The following PTPN14 variants were observed in gnomAD, a reference collection of about 807,000 sequenced individuals.
The protein encoded by PTPN14 is protein tyrosine phosphatase non-receptor type 14.
PTPN14 carries 53 observed loss-of-function variants against 126.8 expected under a neutral mutation model. The observed-to-expected ratio is 0.42, with a 90% CI of 0.34 to 0.53. The LOEUF (loss-of-function observed/expected upper bound fraction) is 0.53, where lower values mean the gene tolerates loss of function less well. PTPN14 is among the 20% of genes least tolerant of loss of function. The probability of loss-of-function intolerance (pLI) is 0.08; values close to 1 mark genes in which losing one functional copy is unlikely to be tolerated. For missense variants in PTPN14, 1,257 were observed against 1,552.9 expected (o/e 0.81, Z 3.20); for synonymous variants, 630 against 599.3 (o/e 1.05, Z -0.75).
At chr1:214,472,865 C>T (rs1660790745) in intron 1 of PTPN14, among the ~76,000 whole-genome samples, 1 of 152,200 alleles carries the variant, frequency 6.6e-6, no homozygotes, top group African/African-American at 2.4e-5. Context: ...AGACACGTTC[C>T]TTGCAACAAA....
intron 1 of PTPN14, among the ~76,000 whole-genome samples, chr1:214,469,960 C>A (rs912637538): frequency 6.6e-6 from 1 of 152,028 alleles, no homozygotes; most frequent in African/African-American, 2.4e-5. Context: ...TTGATCTATT[C>A]TTTAAGAACA....
chr1:214,362,458 G>A (rs1435121883), intron 18 of PTPN14, among the ~76,000 whole-genome samples: 1 of 152,202 alleles, frequency 6.6e-6, no homozygotes, highest in East Asian at 1.9e-4. Flanking sequence ...ACCACCCTGA[G>A]CCTTCACCAA....
chr1:214,520,065 A>AAAAAATATAGATATATAT, intron 1 of PTPN14, among the ~76,000 whole-genome samples: 1 of 71,142 alleles, frequency 1.4e-5, no homozygotes, highest in Non-Finnish European at 2.4e-5. Flanking sequence ...AAAAAAAAAA[A>AAAAAATATAGATATATAT]ATATATATAT....
intron 1 of PTPN14, among the ~76,000 whole-genome samples, chr1:214,517,089 C>A (rs1322003195): frequency 6.6e-6 from 1 of 152,184 alleles, no homozygotes; most frequent in Non-Finnish European, 1.5e-5. Context: ...TGTCACCTGT[C>A]ATCCAGGCAA....
At chr1:214,405,970 A>T (rs76499083) in intron 5 of PTPN14, among the ~76,000 whole-genome samples, 1 of 152,156 alleles carries the variant, frequency 6.6e-6, no homozygotes, top group South Asian at 2.1e-4. Flanking sequence ...GAGATTGCCA[A>T]CCACAGGTCA....
rs922854128 is a variant in PTPN14 at position 214,532,524 on chromosome 1, C to G, written c.-155+18659G>C. ...GAGGCTGGAGAGCAAAATCTGGGAG[C>G]ACCTGGAGAAGAAGGGACCCCAGGT... On this transcript the variant is annotated intron_variant, in intron 1 of 18. Transcript: ENST00000366956. 3.1e-6 allele frequency: 3 copies of G among 982,748 alleles called. No homozygotes were observed. The African/African-American group carries it at 4.8e-5, about 16-fold the overall frequency. The allele number at this position is 982,748 out of a possible 1,614,324, so 60.9% of individuals were successfully genotyped here.
rs145958311 is a variant in PTPN14 at position 214,418,514 on chromosome 1, G to A, written c.345-3788C>T. 3.0e-4 allele frequency among the ~76,000 whole-genome samples: 45 copies of A among 152,342 alleles called. 1 individual carries two copies. The East Asian group carries it at 7.9e-3, about 27-fold the overall frequency. On this transcript the variant is annotated intron_variant, in intron 3 of 18. Coordinates refer to ENST00000366956, the MANE Select transcript of PTPN14 (RefSeq NM_005401.5). ...CCAGATCTGGGCATGAACAACCACA[G>A]GGATGAAGGCAGGATCTGATCCCTG...
chr1:214,377,816 A>G (rs111456369), intron 14 of PTPN14, 143 bp downstream of exon 14: 1 of 1,038,828 alleles, frequency 9.6e-7, no homozygotes, highest in Non-Finnish European at 1.4e-6. Flanking sequence ...TTAATGCAAC[A>G]CAGTTATACC....
intron 1 of PTPN14, among the ~76,000 whole-genome samples, chr1:214,466,992 A>G (rs115903307): frequency 3.3e-5 from 5 of 152,314 alleles, no homozygotes; most frequent in African/African-American, 1.2e-4. Flanking sequence ...CCGTGGGCAC[A>G]TTCCTTAACA....
intron 1 of PTPN14, among the ~76,000 whole-genome samples, chr1:214,481,492 CAA>C (rs202208714): frequency 0.12 from 7,825 of 67,956 alleles, 267 homozygotes; most frequent in South Asian, 0.25. Context: ...GCCTGGGAAA[CAA>C]GCGCGAAACT....
At chr1:214,457,354 G>C (rs377742350) in intron 2 of PTPN14, among the ~76,000 whole-genome samples, 2 of 152,244 alleles carry the variant, frequency 1.3e-5, no homozygotes, top group South Asian at 2.1e-4. Flanking sequence ...AAAAACCAAG[G>C]CTCTTAGGCT....
At chr1:214,489,028 A>G (rs994940370) in intron 1 of PTPN14, among the ~76,000 whole-genome samples, 2 of 152,230 alleles carry the variant, frequency 1.3e-5, no homozygotes, top group African/African-American at 4.8e-5. Flanking sequence ...TCGAAAGACA[A>G]CATAAGGTGG....
chr1:214,371,091 A>G (rs771701887), intron 16 of PTPN14, among the ~76,000 whole-genome samples: 2 of 152,144 alleles, frequency 1.3e-5, no homozygotes, highest in African/African-American at 4.8e-5. Flanking sequence ...TTAAAAGACT[A>G]TAAGTCCCCA....
intron 1 of PTPN14, among the ~76,000 whole-genome samples, chr1:214,481,506 C>T (rs570208163): frequency 2.3e-5 from 2 of 85,112 alleles, no homozygotes; most frequent in South Asian, 4.2e-4. Context: ...CGCGAAACTC[C>T]CGCTCAAAAA....
intron 18 of PTPN14, among the ~76,000 whole-genome samples, chr1:214,359,643 C>G (rs1181197006): frequency 6.6e-6 from 1 of 152,052 alleles, no homozygotes; most frequent in African/African-American, 2.4e-5. Context: ...CTTCAGCCTC[C>G]TGAGTAGCTG....
rs549192647 is a variant in PTPN14 at position 214,352,466 on chromosome 1, T to C, written c.*5456A>G. 1 of 152,248 alleles carries C rather than the reference T, an allele frequency of 6.6e-6. No homozygotes were observed. Among genetic ancestry groups the C allele is most frequent in the Non-Finnish European group, 1.5e-5 (1 of 68,052 alleles). 9.4% of individuals were successfully genotyped at this position (152,248 alleles called of 1,614,324 possible). On this transcript the variant is annotated 3_prime_UTR_variant, in exon 19 of 19. Coordinates refer to ENST00000366956, the MANE Select transcript of PTPN14 (RefSeq NM_005401.5). ...GGGCCCCCTGAATAACACTGACTTC[T>C]GGACAACACATTTGAGGTGGCAGAA...
At chr1:214,431,411 A>G (rs1294028386) in intron 3 of PTPN14, among the ~76,000 whole-genome samples, 1 of 152,228 alleles carries the variant, frequency 6.6e-6, no homozygotes, top group African/African-American at 2.4e-5. Flanking sequence ...ATTAACCAGT[A>G]TAATCTTCAC....
At chr1:214,494,365 C>G (rs950809139) in intron 1 of PTPN14, among the ~76,000 whole-genome samples, 6 of 152,102 alleles carry the variant, frequency 3.9e-5, no homozygotes, top group Non-Finnish European at 8.8e-5. Context: ...CCCGGCCCCT[C>G]CTCTCTCTTT....
Position 214,451,917 on chromosome 1 carries a change from G to T in PTPN14, c.232C>A (p.Leu78Met), listed in dbSNP as rs1359805727. 1 of 1,614,208 alleles carries T rather than the reference G, an allele frequency of 6.2e-7. No homozygotes were observed. Among genetic ancestry groups the T allele is most frequent in the Non-Finnish European group, 8.5e-7 (1 of 1,180,032 alleles). ...SKSQQARWVE[L>M]EKPLKKHLDK... Reference sequence around the variant, plus strand: ...AGATGTTTCTTCAGAGGTTTCTCCAGCTCCACCCATCGTGCTTGCTGGCTC... The same window carrying T: ...AGATGTTTCTTCAGAGGTTTCTCCATCTCCACCCATCGTGCTTGCTGGCTC... The change falls in exon 3 of 19, where the codon CTG becomes ATG. Residue 78 changes from leucine to methionine, a missense_variant. Coordinates refer to ENST00000366956, the MANE Select transcript of PTPN14 (RefSeq NM_005401.5).
Sources: gnomAD v4.1 joint callset for allele counts (sites outside exome capture counted in the v4.1 genomes callset) on GRCh38, gnomAD v4.1.1 for gene constraint, MANE v1.5 for transcripts, NCBI Gene and HGNC (gene_info 2026-07-23, HGNC 2026-07-21) for gene names.